Variants in ZFP30 observed in about 807,000 individuals in gnomAD.
The protein encoded by ZFP30 is ZFP30 zinc finger protein.
In ZFP30, 16 loss-of-function variants were observed where a neutral mutation model predicts 12.3. That is an observed-to-expected ratio of 1.30 (90% CI 0.88 to 1.98). The LOEUF is 1.98. Ranked by LOEUF, ZFP30 falls within the 30% of genes most tolerant of loss-of-function variation. ZFP30 has a pLI of 0.00. For synonymous variants in ZFP30, 172 were observed against 201.0 expected (o/e 0.86, Z 1.22); for missense variants, 560 against 611.2 (o/e 0.92, Z 0.88).
chr19:37,636,445 T>A, intron 5 of ZFP30, 140 bp from the exon 6 acceptor site: 1 of 869,038 alleles, frequency 1.2e-6, no homozygotes, highest in Non-Finnish European at 1.6e-6. Flanking sequence ...TCAAAATCTC[T>A]AAAATAGGTA....
At position 37,648,186 on chromosome 19, in the gene ZFP30, C is replaced by T. The variant is rs190694099; in HGVS notation, c.-77-287G>A. Among the ~76,000 whole-genome samples the T allele has an allele frequency of 4.5e-3, 682 of 152,294 alleles. 5 individuals carry two copies. Among genetic ancestry groups the T allele is most frequent in the Non-Finnish European group, 7.0e-3 (473 of 68,026 alleles). On this transcript the variant is annotated intron_variant, in intron 2 of 5. Coordinates refer to ENST00000684514, the MANE Select transcript of ZFP30 (RefSeq NM_001320669.3). ...TTGGTCCCCAGCTCTGACCCCAAGG[C>T]GGGCTGGTTTGGACCAAAGAATGGG...
rs118140194 is a variant in ZFP30 at position 37,634,944 on chromosome 19, C to T, written c.*37G>A. On this transcript the variant is annotated 3_prime_UTR_variant, in exon 6 of 6. Transcript: ENST00000684514. Reference sequence around the variant, plus strand: ...TCCTCTAGAATGTACTTCCTATGCTCAACATAAAATTCGCAAAGGAAGAGT... The same window carrying T: ...TCCTCTAGAATGTACTTCCTATGCTTAACATAAAATTCGCAAAGGAAGAGT... 16,753 of 1,502,620 alleles carry T rather than the reference C, an allele frequency of 0.011. 108 individuals carry two copies. Among genetic ancestry groups the T allele is most frequent in the Non-Finnish European group, 0.013 (14,859 of 1,129,882 alleles). 93.1% of individuals were successfully genotyped at this position (1,502,620 alleles called of 1,614,324 possible).
intron 5 of ZFP30, among the ~76,000 whole-genome samples, chr19:37,636,733 G>A (rs141012653): frequency 1.7e-3 from 254 of 146,332 alleles, no homozygotes; most frequent in African/African-American, 6.1e-3. Flanking sequence ...TTTTTTTTTC[G>A]AGACGGAGTC....
At chr19:37,651,808 C>G (rs962573451) in intron 2 of ZFP30, among the ~76,000 whole-genome samples, 2 of 151,894 alleles carry the variant, frequency 1.3e-5, no homozygotes, top group African/African-American at 2.4e-5. Context: ...ATATTCCTGT[C>G]CAATAAGTCA....
At chr19:37,646,493 G>A (rs2044546613) in intron 3 of ZFP30, among the ~76,000 whole-genome samples, 1 of 152,104 alleles carries the variant, frequency 6.6e-6, no homozygotes. Context: ...CCAGATACCA[G>A]ATAGTGAAGA....
chr19:37,647,438 G>A (rs2972456), intron 3 of ZFP30, among the ~76,000 whole-genome samples: 23,279 of 151,966 alleles, frequency 0.15, 2,143 homozygotes, highest in Non-Finnish European at 0.21. Context: ...TTTTATAAGG[G>A]GTTTCCTCTT....
intron 1 of ZFP30, 140 bp from the exon 2 acceptor site, chr19:37,655,019 C>G (rs968314504): frequency 6.6e-6 from 1 of 152,352 alleles, no homozygotes; most frequent in Non-Finnish European, 1.5e-5. Context: ...AACTGTCCAG[C>G]GTGTCCTCCT....
At chr19:37,638,674 C>A (rs1483927102) in intron 5 of ZFP30, among the ~76,000 whole-genome samples, 1 of 152,212 alleles carries the variant, frequency 6.6e-6, no homozygotes, top group Non-Finnish European at 1.5e-5. Context: ...ACTACAACTA[C>A]ATGCAGCAAG....
In ZFP30 at chr19:37,643,346, T is replaced by C. The variant is rs1257772024; in HGVS notation, c.154A>G (p.Lys52Glu). The C allele has an allele frequency of 6.3e-7, 1 of 1,591,770 alleles. No individual in the cohort carries two copies. The highest frequency in any genetic ancestry group is 1.3e-5 in the African/African-American group (1 of 74,160). Residue 52 changes from lysine (K) to glutamate (E), a missense_variant, in exon 5 of 6, where the codon AAG becomes GAG. By Grantham distance (56) the Lys-to-Glu change is moderately conservative. Coordinates refer to ENST00000684514, the MANE Select transcript of ZFP30 (RefSeq NM_001320669.3). Reference sequence around the variant, plus strand: ...TCCAATAGGGTGATCACATCTGGCTTAGAAATAGAACATCCTGCTTAAAAA... The same window carrying C: ...TCCAATAGGGTGATCACATCTGGCTCAGAAATAGAACATCCTGCTTAAAAA... The part of the protein sequence containing the change: ...LVSLAGCSIS[K>E]PDVITLLEQG...
intron 2 of ZFP30, among the ~76,000 whole-genome samples, chr19:37,651,057 T>A (rs779219683): frequency 9.9e-5 from 15 of 152,144 alleles, no homozygotes; most frequent in Non-Finnish European, 2.2e-4. Flanking sequence ...ATGGTTTTAT[T>A]CTATTTCAGA....
chr19:37,635,514 G>A lies in ZFP30; in HGVS notation c.1027C>T (p.Leu343Phe), dbSNP rs767021926. The A allele has an allele frequency of 6.2e-7, 1 of 1,614,058 alleles. No homozygotes were observed. Among genetic ancestry groups the A allele is most frequent in the Admixed American group, 1.7e-5 (1 of 60,018 alleles). Reference protein sequence around the residue: ...KAFRVRQQLTLHQRIHTGEKP... With the variant: ...KAFRVRQQLTFHQRIHTGEKP... ...TCACCAGTGTGAATTCTCTGATGGA[G>A]AGTAAGTTGCTGCCGCACTCTAAAG... Residue 343 changes from leucine (L) to phenylalanine (F), a missense_variant, in exon 6 of 6, where the codon CTC (leucine) becomes TTC (phenylalanine). By Grantham distance (22) the Leu-to-Phe change is conservative (BLOSUM62 0). Coordinates refer to ENST00000684514, the MANE Select transcript of ZFP30 (RefSeq NM_001320669.3).
intron 2 of ZFP30, among the ~76,000 whole-genome samples, chr19:37,651,162 C>T (rs1384978303): frequency 2.6e-5 from 4 of 152,092 alleles, no homozygotes; most frequent in Non-Finnish European, 4.4e-5. Flanking sequence ...GCCTTTTTTG[C>T]ATATGACTTT....
chr19:37,647,679 G>A (rs1251315548), intron 3 of ZFP30, 135 bp downstream of exon 3: 5 of 1,078,020 alleles, frequency 4.6e-6, no homozygotes, highest in Middle Eastern at 2.0e-4. Context: ...GCTCCATCCC[G>A]TGCTGGAATG....
At chr19:37,646,943 T>C (rs1051688057) in intron 3 of ZFP30, among the ~76,000 whole-genome samples, 2 of 152,162 alleles carry the variant, frequency 1.3e-5, no homozygotes, top group Non-Finnish European at 2.9e-5. Flanking sequence ...TGTGAAATAA[T>C]ATTTTGGCCA....
chr19:37,640,306 C>T (rs935105081), intron 5 of ZFP30, among the ~76,000 whole-genome samples: 1 of 151,914 alleles, frequency 6.6e-6, no homozygotes, highest in African/African-American at 2.4e-5. Flanking sequence ...CTGGGCCAAA[C>T]ATCAAAAGAT....
Position 37,635,951 on chromosome 19 carries a change from T to C in ZFP30, c.590A>G (p.Gln197Arg), listed in dbSNP as rs1338095128. 1.2e-6 allele frequency: 2 copies of C among 1,614,074 alleles called. No individual in the cohort carries two copies. The highest frequency in any genetic ancestry group is 1.1e-5 in the South Asian group (1 of 91,092). Residue 197 changes from glutamine to arginine, a missense_variant, in exon 6 of 6, where the codon CAG (glutamine) becomes CGG (arginine). Coordinates refer to ENST00000684514, the MANE Select transcript of ZFP30 (RefSeq NM_001320669.3). ...CTGATGTCGACTGAGGTGGGCACAC[T>C]GTCTAAAGGCTTTTCCACATTCTTT... ...ECKECGKAFRQCAHLSRHQRI... is the reference protein window; with the variant it reads ...ECKECGKAFRRCAHLSRHQRI...
intron 2 of ZFP30, among the ~76,000 whole-genome samples, chr19:37,650,345 T>C (rs2044624618): frequency 6.6e-6 from 1 of 152,130 alleles, no homozygotes; most frequent in Admixed American, 6.6e-5. Flanking sequence ...ACTCAAGTGA[T>C]CCACCTGCCT....
At position 37,635,146 on chromosome 19, in the gene ZFP30, G is replaced by C. The variant is rs575517303; in HGVS notation, c.1395C>G (p.Pro465=). ...QHQSIHTGEK[P]YDCKECGKAF... ...CCTTTCCACATTCCTTACAGTCATAGGGCTTTTCACCAGTATGAATACTTT... is the reference window on the plus strand; with the variant it reads ...CCTTTCCACATTCCTTACAGTCATACGGCTTTTCACCAGTATGAATACTTT... The change falls in exon 6 of 6, where the codon CCC becomes CCG. Residue 465 remains proline (P), a synonymous_variant. Transcript: ENST00000684514. The C allele has an allele frequency of 6.2e-7, 1 of 1,612,580 alleles. No individual in the cohort carries two copies. The highest frequency in any genetic ancestry group is 1.3e-5 in the African/African-American group (1 of 74,838).
intron 5 of ZFP30, among the ~76,000 whole-genome samples, chr19:37,637,189 T>C (rs1479329352): frequency 2.0e-5 from 3 of 150,960 alleles, no homozygotes; most frequent in African/African-American, 7.3e-5. Flanking sequence ...CACTTCTTTC[T>C]TTTTTCTTTT....
Sources: allele counts gnomAD v4.1 joint callset (sites outside exome capture counted in the v4.1 genomes callset), GRCh38; gene constraint gnomAD v4.1.1; transcripts MANE v1.5; gene names NCBI Gene and HGNC (gene_info 2026-07-23, HGNC 2026-07-21).